Variants in PKIB observed in about 807,000 individuals in gnomAD.
PKIB encodes the protein PKI-beta.
PKIB carries 2 observed loss-of-function variants against 4.5 expected under a neutral mutation model. The observed-to-expected ratio is 0.44, with a 90% CI of 0.18 to 1.39. PKIB has a LOEUF of 1.39. Ranked by LOEUF, PKIB falls within the 40% of genes most tolerant of loss-of-function variation. The pLI is 0.27. For synonymous variants in PKIB, 38 were observed against 36.0 expected, an observed-to-expected ratio of 1.06 and a Z score of -0.20; for missense variants, 94 against 92.6, an observed-to-expected ratio of 1.02 and a Z score of -0.06.
chr6:122,550,626 A>G (rs1483712829), intron 2 of PKIB, among the ~76,000 whole-genome samples: 1 of 152,156 alleles, frequency 6.6e-6, no homozygotes, highest in Non-Finnish European at 1.5e-5. Context: ...ATGGAGTCAT[A>G]CATCTGGAGC....
At chr6:122,707,001 A>G (rs1047176517) in intron 3 of PKIB, among the ~76,000 whole-genome samples, 3 of 152,020 alleles carry the variant, frequency 2.0e-5, no homozygotes, top group East Asian at 1.9e-4. Flanking sequence ...TCATTTTTCT[A>G]TTTAACTTAT....
At chr6:122,600,015 CTA>C (rs1200735801) in intron 3 of PKIB, among the ~76,000 whole-genome samples, 1 of 150,814 alleles carries the variant, frequency 6.6e-6, no homozygotes, top group Non-Finnish European at 1.5e-5. Flanking sequence ...ATATCTATAT[CTA>C]TATCTATATC....
At chr6:122,654,952 G>T (rs964614827) in intron 2 of PKIB, among the ~76,000 whole-genome samples, 20 of 152,128 alleles carry the variant, frequency 1.3e-4, no homozygotes, top group Admixed American at 1.1e-3. Flanking sequence ...CTGCATTTCA[G>T]TTAATATTCA....
At chr6:122,496,433 C>T (rs1776077846) in intron 2 of PKIB, among the ~76,000 whole-genome samples, 1 of 152,112 alleles carries the variant, frequency 6.6e-6, no homozygotes, top group African/African-American at 2.4e-5. Context: ...GCATAGATGT[C>T]AAGGAAACTT....
chr6:122,608,877 A>G (rs557392635), upstream of PKIB, among the ~76,000 whole-genome samples: 4 of 152,316 alleles, frequency 2.6e-5, no homozygotes, highest in South Asian at 2.1e-4. Context: ...ACCATAATTC[A>G]TAAGTTCAAA....
At chr6:122,654,174 A>G (rs1776680476) in intron 2 of PKIB, among the ~76,000 whole-genome samples, 1 of 152,170 alleles carries the variant, frequency 6.6e-6, no homozygotes, top group African/African-American at 2.4e-5. Flanking sequence ...TGCTCTGTCA[A>G]TAAGATGAAG....
At chr6:122,555,490 G>T (rs1772809937) in intron 2 of PKIB, among the ~76,000 whole-genome samples, 1 of 152,062 alleles carries the variant, frequency 6.6e-6, no homozygotes, top group Non-Finnish European at 1.5e-5. Context: ...ATTGTGGCAA[G>T]GACAATTGAG....
intron 3 of PKIB, among the ~76,000 whole-genome samples, chr6:122,693,577 A>G (rs1024191949): frequency 2.6e-5 from 4 of 152,230 alleles, no homozygotes; most frequent in African/African-American, 9.6e-5. Flanking sequence ...TAAATATGAC[A>G]ATACTTAAAA....
At chr6:122,718,017 C>A (rs955320847) in intron 4 of PKIB, 54 bp downstream of exon 4, 3 of 1,542,198 alleles carry the variant, frequency 1.9e-6, no homozygotes, top group East Asian at 2.3e-5. Context: ...CTTAACCAAG[C>A]CTTTTCTCTG....
chr6:122,626,431 G>T (rs774904250), intron 1 of PKIB, among the ~76,000 whole-genome samples: 8 of 152,166 alleles, frequency 5.3e-5, no homozygotes, highest in Admixed American at 3.3e-4. Flanking sequence ...ATGTTCACAC[G>T]CTCTGGGGAA....
chr6:122,666,494 A>G (rs1777224343), intron 2 of PKIB, among the ~76,000 whole-genome samples: 1 of 151,214 alleles, frequency 6.6e-6, no homozygotes, highest in South Asian at 2.1e-4. Context: ...TTTTTGTTTT[A>G]CTTCTCTTCC....
At chr6:122,622,269 T>G (rs1211918156) in intron 1 of PKIB, among the ~76,000 whole-genome samples, 1 of 151,008 alleles carries the variant, frequency 6.6e-6, no homozygotes, top group Non-Finnish European at 1.5e-5. Context: ...TATGGAAACT[T>G]TCAAAGTCAT....
chr6:122,675,684 C>T (rs1006087339), intron 3 of PKIB, among the ~76,000 whole-genome samples: 17 of 151,852 alleles, frequency 1.1e-4, no homozygotes, highest in African/African-American at 2.9e-4. Flanking sequence ...GATCAACTCA[C>T]GAATGAGGAA....
chr6:122,648,153 GC>G (rs1776400210), intron 2 of PKIB, among the ~76,000 whole-genome samples: 2 of 152,324 alleles, frequency 1.3e-5, no homozygotes, highest in South Asian at 4.1e-4. Flanking sequence ...ACTGGTGGCA[GC>G]CTTAACTCCT....
chr6:122,552,464 C>A (rs1772705498), intron 2 of PKIB, among the ~76,000 whole-genome samples: 1 of 152,132 alleles, frequency 6.6e-6, no homozygotes, highest in South Asian at 2.1e-4. Context: ...ACAACCTCCA[C>A]CCCCTGGGTT....
At chr6:122,610,584 AG>A (rs1214595630) in intron 1 of PKIB, 49 bp downstream of exon 1, 1 of 152,404 alleles carries the variant, frequency 6.6e-6, no homozygotes. Flanking sequence ...CTATGCGAGG[AG>A]GGAGGAGTGG....
chr6:122,683,102 A>G (rs961243713), intron 3 of PKIB, among the ~76,000 whole-genome samples: 8 of 152,232 alleles, frequency 5.3e-5, no homozygotes, highest in Non-Finnish European at 7.3e-5. Flanking sequence ...CTCTCTGCAC[A>G]TAAATCAGTA....
At chr6:122,622,738 A>T (rs1447983716) in intron 1 of PKIB, among the ~76,000 whole-genome samples, 1 of 149,104 alleles carries the variant, frequency 6.7e-6, no homozygotes, top group Non-Finnish European at 1.5e-5. Context: ...GAAGTAGTAC[A>T]GTCTGGCAGG....
At chr6:122,723,417 C>T (rs764754609) in intron 4 of PKIB, among the ~76,000 whole-genome samples, 1 of 152,180 alleles carries the variant, frequency 6.6e-6, no homozygotes, top group Non-Finnish European at 1.5e-5. Context: ...GCAATTCATA[C>T]TTCCAGTTAA....
Sources: allele counts gnomAD v4.1 joint callset (sites outside exome capture counted in the v4.1 genomes callset), GRCh38; gene constraint gnomAD v4.1.1; transcripts MANE v1.5; gene names NCBI Gene and HGNC (gene_info 2026-07-23, HGNC 2026-07-21).